The following BBS9 variants were observed in gnomAD, a reference collection of about 807,000 sequenced individuals.
BBS9 encodes the protein protein PTHB1.
Under a neutral mutation model 117.7 loss-of-function variants are expected in BBS9, and 89 were observed. That is an observed-to-expected ratio of 0.76 (90% CI 0.64 to 0.90). BBS9 has a LOEUF of 0.90. Among genes scored for constraint, BBS9 ranks in the 40% least tolerant of loss-of-function variants. The probability of loss-of-function intolerance (pLI) is 0.00; values close to 1 mark genes in which losing one functional copy is unlikely to be tolerated. For missense variants in BBS9, 982 were observed against 1,042.2 expected, an observed-to-expected ratio of 0.94 and a Z score of 0.80; for synonymous variants, 379 against 370.9, an observed-to-expected ratio of 1.02 and a Z score of -0.25.
At chr7:33,166,577 C>T (rs1048707605) in intron 4 of BBS9, among the ~76,000 whole-genome samples, 1 of 152,260 alleles carries the variant, frequency 6.6e-6, no homozygotes, top group African/African-American at 2.4e-5. Flanking sequence ...GCGGATGCCC[C>T]TCCCCCTGCC....
intron 5 of BBS9, among the ~76,000 whole-genome samples, chr7:33,250,479 G>C (rs1554371902): frequency 6.6e-6 from 1 of 152,174 alleles, no homozygotes; most frequent in Non-Finnish European, 1.5e-5. Flanking sequence ...CTTCCTGTTG[G>C]CTCTGTTCTG....
intron 20 of BBS9, among the ~76,000 whole-genome samples, chr7:33,529,606 C>CCCCTCCTCTCCCATCCCCTTCCCTT (rs1850247337): frequency 6.6e-6 from 1 of 151,724 alleles, no homozygotes; most frequent in South Asian, 2.1e-4. Flanking sequence ...TCCCTTCCCT[C>CCCCTCCTCTCCCATCCCCTTCCCTT]CCCTCCTCTC....
chr7:33,603,108 A>G (rs540828343), intron 21 of BBS9, among the ~76,000 whole-genome samples: 1 of 152,194 alleles, frequency 6.6e-6, no homozygotes, highest in African/African-American at 2.4e-5. Flanking sequence ...CTGCTCATCA[A>G]ACTCGCTCTC....
chr7:33,349,063 C>T lies in BBS9; in HGVS notation c.1330-5C>T. The T allele has an allele frequency of 6.3e-7, 1 of 1,581,380 alleles. No homozygotes were observed. The highest frequency in any genetic ancestry group is 8.7e-7 in the Non-Finnish European group (1 of 1,150,838). ...TTCTATTGATAACAATTTCTGTTTCCTTAGGTCACACTGCAGAACAGAGTG... is the reference window on the plus strand; with the variant it reads ...TTCTATTGATAACAATTTCTGTTTCTTTAGGTCACACTGCAGAACAGAGTG... On this transcript the variant is annotated splice_region_variant and splice_polypyrimidine_tract_variant and intron_variant, in intron 12 of 22. Coordinates refer to ENST00000242067, the MANE Select transcript of BBS9 (RefSeq NM_198428.3).
chr7:33,558,117 T>G (rs1031833249), intron 21 of BBS9, among the ~76,000 whole-genome samples: 1 of 152,244 alleles, frequency 6.6e-6, no homozygotes, highest in Non-Finnish European at 1.5e-5. Context: ...TTATAAATCC[T>G]TATTGAATAC....
rs539939627 is a variant in BBS9 at position 33,409,670 on chromosome 7, T to G, written c.2115+21526T>G. Among the ~76,000 whole-genome samples the G allele has an allele frequency of 3.3e-5, 5 of 152,326 alleles. No individual in the cohort carries two copies. In the East Asian group the frequency reaches 9.6e-4, roughly 29 times the overall value. ...TTCTTTACATCCTTACATCACTTAT[T>G]GTTGTCTGTTTATTTTTTAAAAATT... On this transcript the variant is annotated intron_variant, in intron 19 of 22. Coordinates refer to ENST00000242067, the MANE Select transcript of BBS9 (RefSeq NM_198428.3).
At chr7:33,297,556 G>A (rs1427875594) in intron 9 of BBS9, among the ~76,000 whole-genome samples, 2 of 152,102 alleles carry the variant, frequency 1.3e-5, no homozygotes, top group African/African-American at 2.4e-5. Flanking sequence ...AACAGTAGAA[G>A]AATCAAGAAA....
intron 19 of BBS9, among the ~76,000 whole-genome samples, chr7:33,448,761 C>T (rs569642122): frequency 2.4e-4 from 37 of 152,296 alleles, no homozygotes; most frequent in African/African-American, 7.7e-4. Flanking sequence ...TCTAAATGTT[C>T]CCTGAGCAGT....
chr7:33,584,564 G>A (rs1002100456), intron 21 of BBS9, among the ~76,000 whole-genome samples: 4 of 151,948 alleles, frequency 2.6e-5, no homozygotes, highest in African/African-American at 9.7e-5. Flanking sequence ...AAAATTAGAA[G>A]TGGATGTTAA....
At chr7:33,269,807 G>A (rs1403222880) in intron 7 of BBS9, among the ~76,000 whole-genome samples, 2 of 151,522 alleles carry the variant, frequency 1.3e-5, no homozygotes, top group Non-Finnish European at 2.9e-5. Flanking sequence ...GGCGGATCAC[G>A]AGGTCAGGAA....
chr7:33,491,653 C>G (rs1843913532), intron 19 of BBS9, among the ~76,000 whole-genome samples: 1 of 152,128 alleles, frequency 6.6e-6, no homozygotes, highest in African/African-American at 2.4e-5. Flanking sequence ...ACAGAGCTTA[C>G]ATGTATTAAG....
intron 19 of BBS9, among the ~76,000 whole-genome samples, chr7:33,438,313 C>T (rs1835622426): frequency 1.3e-5 from 2 of 152,088 alleles, no homozygotes; most frequent in Admixed American, 1.3e-4. Flanking sequence ...CACAGCCAAC[C>T]TTTAAAATCA....
chr7:33,441,433 A>G (rs1266862068), intron 19 of BBS9, among the ~76,000 whole-genome samples: 1 of 152,216 alleles, frequency 6.6e-6, no homozygotes, highest in Non-Finnish European at 1.5e-5. Flanking sequence ...TTCATTTTTT[A>G]TGTTCATTGT....
chr7:33,227,162 A>AG (rs1398333185), intron 5 of BBS9, among the ~76,000 whole-genome samples: 2 of 145,062 alleles, frequency 1.4e-5, no homozygotes, highest in Non-Finnish European at 1.6e-5. Context: ...TACAGCCATC[A>AG]ATTTTTTTTT....
chr7:33,234,066 G>A (rs911042229), intron 5 of BBS9, among the ~76,000 whole-genome samples: 9 of 152,140 alleles, frequency 5.9e-5, no homozygotes, highest in Admixed American at 3.9e-4. Flanking sequence ...TCTCCTGTTT[G>A]TCACTTAGTA....
intron 4 of BBS9, among the ~76,000 whole-genome samples, chr7:33,162,374 G>C (rs575676064): frequency 6.6e-6 from 1 of 151,358 alleles, no homozygotes. Flanking sequence ...TGGTGTTATT[G>C]GTTATATGCC....
At chr7:33,463,361 G>T (rs927487172) in intron 19 of BBS9, among the ~76,000 whole-genome samples, 1 of 152,016 alleles carries the variant, frequency 6.6e-6, no homozygotes, top group Admixed American at 6.6e-5. Context: ...TTTGATAGGG[G>T]GAATGCCTGC....
At chr7:33,438,364 A>G (rs1835629143) in intron 19 of BBS9, among the ~76,000 whole-genome samples, 1 of 152,224 alleles carries the variant, frequency 6.6e-6, no homozygotes, top group African/African-American at 2.4e-5. Flanking sequence ...TAACTTTTGT[A>G]TAACAAAGGA....
At chr7:33,533,794 A>G (rs1850946733) in intron 20 of BBS9, 160 bp from the exon 21 acceptor site, 2 of 813,890 alleles carry the variant, frequency 2.5e-6, no homozygotes, top group Admixed American at 2.2e-5. Flanking sequence ...TGACAGAGCC[A>G]GAATTCCAAA....
Sources: gnomAD v4.1 joint callset for allele counts (sites outside exome capture counted in the v4.1 genomes callset) on GRCh38, gnomAD v4.1.1 for gene constraint, MANE v1.5 for transcripts, NCBI Gene and HGNC (gene_info 2026-07-23, HGNC 2026-07-21) for gene names.